The following NXNL2 variants were observed in gnomAD, a reference collection of about 807,000 sequenced individuals.
NXNL2 encodes the protein nucleoredoxin-like protein 2.
A neutral mutation model predicts 11.1 loss-of-function variants in NXNL2; 7 were observed. The observed-to-expected ratio is 0.63, with a 90% confidence interval of 0.36 to 1.18. NXNL2 has a LOEUF of 1.18. Among genes scored for constraint, NXNL2 ranks in the 50% most tolerant of loss-of-function variants. The pLI, the probability that NXNL2 is intolerant of heterozygous loss-of-function variation, is 0.02. For missense variants in NXNL2, 233 were observed against 217.7 expected, an observed-to-expected ratio of 1.07 and a Z score of -0.44; for synonymous variants, 109 against 101.8, an observed-to-expected ratio of 1.07 and a Z score of -0.42.
Position 88,581,372 on chromosome 9 carries a change from C to A in NXNL2, n.552-2627C>A, listed in dbSNP as rs147077431. ...AGTGTGTCCAAAGACAAAGGCAATG[C>A]TACCACTTTTGGGGGGAGTTTGGCA... On this transcript the variant is annotated intron_variant and non_coding_transcript_variant, in intron 1 of 1. Coordinates refer to the NXNL2 transcript ENST00000478686. Among the ~76,000 whole-genome samples, 284 of 152,244 alleles carry A rather than the reference C, an allele frequency of 1.9e-3. 2 individuals are homozygous for A. Among genetic ancestry groups the A allele is most frequent in the African/African-American group, 6.3e-3 (260 of 41,540 alleles).
intron 1 of NXNL2, among the ~76,000 whole-genome samples, chr9:88,540,051 G>A (rs1235184107): frequency 6.6e-6 from 1 of 151,846 alleles, no homozygotes; most frequent in East Asian, 2.0e-4. Flanking sequence ...GGTGTTGTGC[G>A]GCCGGGCGTG....
At chr9:88,560,735 C>G (rs937637631) in intron 1 of NXNL2, among the ~76,000 whole-genome samples, 5 of 151,902 alleles carry the variant, frequency 3.3e-5, no homozygotes, top group African/African-American at 1.2e-4. Context: ...ATAGTAAGAC[C>G]CAGTCTCTAA....
chr9:88,578,317 C>G (rs1830370170), downstream of NXNL2, among the ~76,000 whole-genome samples: 1 of 152,188 alleles, frequency 6.6e-6, no homozygotes, highest in African/African-American at 2.4e-5. Flanking sequence ...ATCTTCCTTG[C>G]CTGAAGCAGT....
chr9:88,566,973 CATCTATCT>C (rs371496393), intron 1 of NXNL2, among the ~76,000 whole-genome samples: 1,396 of 123,542 alleles, frequency 0.011, 8 homozygotes, highest in African/African-American at 0.021. Context: ...TATTATCTAT[CATCTATCT>C]ATCTATCTAT....
intron 1 of NXNL2, among the ~76,000 whole-genome samples, chr9:88,541,820 G>A (rs116167644): frequency 1.5e-3 from 230 of 152,278 alleles, no homozygotes; most frequent in African/African-American, 5.2e-3. Flanking sequence ...GTGTTTAATT[G>A]TGTTTACAGC....
At chr9:88,571,381 C>T (rs564550564) in intron 2 of NXNL2, among the ~76,000 whole-genome samples, 1 of 152,230 alleles carries the variant, frequency 6.6e-6, no homozygotes, top group South Asian at 2.1e-4. Context: ...TGTTTTGATG[C>T]TTTCAAATGA....
At chr9:88,565,133 T>C (rs1830150576) in intron 1 of NXNL2, among the ~76,000 whole-genome samples, 1 of 152,220 alleles carries the variant, frequency 6.6e-6, no homozygotes, top group Non-Finnish European at 1.5e-5. Context: ...TGCACCTGGT[T>C]TATTCCACTG....
chr9:88,544,024 A>T (rs1829810042), intron 1 of NXNL2, among the ~76,000 whole-genome samples: 1 of 152,208 alleles, frequency 6.6e-6, no homozygotes, highest in South Asian at 2.1e-4. Flanking sequence ...ACAAAAAATT[A>T]GCTGGATGTG....
intron 1 of NXNL2, among the ~76,000 whole-genome samples, chr9:88,568,955 G>A (rs1587854776): frequency 6.6e-6 from 1 of 151,256 alleles, no homozygotes; most frequent in South Asian, 2.1e-4. Context: ...CTTGGACAAC[G>A]CCTCACTCTC....
chr9:88,555,707 G>T (rs867332416), intron 1 of NXNL2, among the ~76,000 whole-genome samples: 1 of 152,230 alleles, frequency 6.6e-6, no homozygotes, highest in Non-Finnish European at 1.5e-5. Context: ...CCTCTGTCCG[G>T]TGGTGCCTTT....
chr9:88,540,586 A>G (rs1174353370), intron 1 of NXNL2, among the ~76,000 whole-genome samples: 1 of 152,166 alleles, frequency 6.6e-6, no homozygotes, highest in Non-Finnish European at 1.5e-5. Flanking sequence ...TTCTGCAAAT[A>G]CAGTTTTGGC....
At chr9:88,575,160 C>G (rs138826887) in exon 3 of NXNL2, 1 of 985,136 alleles carries the variant, frequency 1.0e-6, no homozygotes, top group African/African-American at 1.7e-5. Context: ...CTGTTCTCCC[C>G]CCGCACCATC....
At chr9:88,555,103 G>T (rs1829991916) in intron 1 of NXNL2, among the ~76,000 whole-genome samples, 1 of 152,226 alleles carries the variant, frequency 6.6e-6, no homozygotes, top group Non-Finnish European at 1.5e-5. Context: ...CGGGGGCTTA[G>T]CCCAGGAGGC....
chr9:88,567,788 CCTTT>C (rs1180183255), intron 1 of NXNL2, among the ~76,000 whole-genome samples: 2 of 152,170 alleles, frequency 1.3e-5, no homozygotes, highest in Non-Finnish European at 2.9e-5. Flanking sequence ...AGTACTTGGG[CCTTT>C]CTTCTCTGTG....
chr9:88,561,561 A>AC (rs1830086108), intron 1 of NXNL2, among the ~76,000 whole-genome samples: 1 of 152,052 alleles, frequency 6.6e-6, no homozygotes, highest in Non-Finnish European at 1.5e-5. Flanking sequence ...ACAATGACAC[A>AC]CACAAACCAG....
chr9:88,540,261 G>A (rs1829723515), intron 1 of NXNL2, among the ~76,000 whole-genome samples: 1 of 151,876 alleles, frequency 6.6e-6, no homozygotes, highest in African/African-American at 2.4e-5. Flanking sequence ...GAACCTGGGA[G>A]GCGGAGGTTG....
chr9:88,550,856 T>A (rs570596570), intron 1 of NXNL2, among the ~76,000 whole-genome samples: 2 of 152,376 alleles, frequency 1.3e-5, no homozygotes, highest in African/African-American at 4.8e-5. Flanking sequence ...TAAGGTGTAA[T>A]CTTTAGTTTC....
chr9:88,554,421 T>C (rs1044385992), intron 1 of NXNL2, among the ~76,000 whole-genome samples: 1 of 152,164 alleles, frequency 6.6e-6, no homozygotes, highest in Non-Finnish European at 1.5e-5. Context: ...GCCAGGCTGG[T>C]CTCAAACTCC....
intron 1 of NXNL2, among the ~76,000 whole-genome samples, chr9:88,540,138 C>T (rs1036663148): frequency 1.3e-5 from 2 of 151,936 alleles, no homozygotes; most frequent in Non-Finnish European, 1.5e-5. Flanking sequence ...CGAAACCATC[C>T]TGGCTAACAC....
Sources: allele counts gnomAD v4.1 joint callset (sites outside exome capture counted in the v4.1 genomes callset), GRCh38; gene constraint gnomAD v4.1.1; transcripts MANE v1.5; gene names NCBI Gene and HGNC (gene_info 2026-07-23, HGNC 2026-07-21).